Variants in KRT6B observed in about 807,000 individuals in gnomAD.
The protein encoded by KRT6B is keratin, type II cytoskeletal 6B.
A neutral mutation model predicts 44.7 loss-of-function variants in KRT6B; 29 were observed. That is an observed-to-expected ratio of 0.65 (90% confidence interval 0.48 to 0.88). KRT6B has a LOEUF of 0.88. Ranked by LOEUF, KRT6B falls within the 40% of genes least tolerant of loss-of-function variation. KRT6B has a pLI of 0.00. For missense variants in KRT6B, 600 were observed against 724.0 expected (o/e 0.83, Z 1.97); for synonymous variants, 213 against 296.0 (o/e 0.72, Z 2.88).
At position 52,446,965 on chromosome 12, in the gene KRT6B, A is replaced by T. The variant is rs569009342; in HGVS notation, c.*225T>A. 102 of 605,156 alleles carry T rather than the reference A, an allele frequency of 1.7e-4. No homozygotes were observed. Among genetic ancestry groups the T allele is most frequent in the African/African-American group, 1.4e-3 (76 of 54,110 alleles). The allele number at this position is 605,156 out of a possible 1,614,324, so 37.5% of individuals were successfully genotyped here. ...AGATACCTGTAATAATACGGGAACT[A>T]AAAAGGACATTCGCATGTCTGAGTG... is the stretch of plus-strand genomic sequence containing the variant. On this transcript the variant is annotated 3_prime_UTR_variant, in exon 9 of 9. Transcript: ENST00000252252.
At position 52,451,524 on chromosome 12, in the gene KRT6B, A is replaced by C; in HGVS notation, c.540+15T>G. The C allele has an allele frequency of 6.2e-7, 1 of 1,613,538 alleles. No individual in the cohort carries two copies. The stretch of plus-strand genomic sequence containing the variant: ...GACCCTGAAGTGCCCGATGGAGGGC[A>C]TGGCACTGGCTCACCTTGTCGATGA... On this transcript the variant is annotated intron_variant, in intron 1 of 8. Transcript: ENST00000252252.
In KRT6B at chr12:52,447,333, C is replaced by T. The variant is rs1233832834; in HGVS notation, c.1552G>A (p.Gly518Ser). 3 of 1,614,068 alleles carry T rather than the reference C, an allele frequency of 1.9e-6. No homozygotes were observed. Among genetic ancestry groups the T allele is most frequent in the Admixed American group, 3.3e-5 (2 of 60,024 alleles). The change falls in exon 9 of 9, where the codon GGC (glycine) becomes AGC (serine). Residue 518 changes from glycine (G) to serine (S), a missense_variant. This residue lies in a region of KRT6B where 479 missense variants were observed against 454.2 expected (regional missense o/e 1.05). Transcript: ENST00000252252. ...CCGCCTCCAACGCCAAGACCACTGC[C>T]ATAGGAGTAGCTGCTTCCTCCACCC... ...GLGGGSSYSY[G>S]SGLGVGGGFS...
chr12:52,448,103 G>T, intron 6 of KRT6B, 105 bp from the exon 7 acceptor site: 1 of 1,396,612 alleles, frequency 7.2e-7, no homozygotes. Flanking sequence ...ACCCAGAACT[G>T]ATGGTAAATG....
In KRT6B at chr12:52,449,742, T is replaced by C. The variant is rs753798928; in HGVS notation, c.912+16A>G. On this transcript the variant is annotated intron_variant, in intron 4 of 8. Transcript: ENST00000252252. The stretch of plus-strand genomic sequence containing the variant: ...GACCCCATCAGAGTAAACAGAAGGA[T>C]GGTGGAGTTGCTTACTGCATCATAC... 3.7e-6 allele frequency: 6 copies of C among 1,614,096 alleles called. No homozygotes were observed. Among genetic ancestry groups the C allele is most frequent in the Admixed American group, 1.7e-5 (1 of 60,014 alleles).
chr12:52,449,727 G>C, intron 4 of KRT6B, 31 bp downstream of exon 4: 1 of 1,614,120 alleles, frequency 6.2e-7, no homozygotes, highest in South Asian at 1.1e-5. Context: ...GACCCCATCA[G>C]AGTAAACAGA....
intron 6 of KRT6B, 122 bp from the exon 7 acceptor site, chr12:52,448,120 G>A (rs1940342450): frequency 7.1e-6 from 9 of 1,260,306 alleles, no homozygotes; most frequent in Non-Finnish European, 1.0e-5. Context: ...AATGAGCTCT[G>A]ACTCTTCCTG....
intron 6 of KRT6B, 122 bp downstream of exon 6, chr12:52,448,720 A>G (rs1176411306): frequency 2.1e-5 from 32 of 1,519,054 alleles, no homozygotes; most frequent in Non-Finnish European, 3.6e-6. Flanking sequence ...TAGGAACTGC[A>G]TGTCTTTCCT....
chr12:52,450,710 C>G, intron 1 of KRT6B, 90 bp from the exon 2 acceptor site: 1 of 1,588,908 alleles, frequency 6.3e-7, no homozygotes, highest in Non-Finnish European at 8.6e-7. Context: ...GGGAGGTCCC[C>G]ATGGTGCTGG....
intron 2 of KRT6B, 76 bp from the exon 3 acceptor site, chr12:52,450,148 T>C: frequency 6.4e-7 from 1 of 1,557,772 alleles, no homozygotes; most frequent in Non-Finnish European, 8.8e-7. Context: ...GGATTCAACA[T>C]TTTCCTGAAT....
At chr12:52,450,747 C>A in intron 1 of KRT6B, 127 bp from the exon 2 acceptor site, 1 of 1,432,184 alleles carries the variant, frequency 7.0e-7, no homozygotes. Flanking sequence ...TAGAGAGGCT[C>A]AGGCTGAGCT....
At chr12:52,450,663 C>A (rs71453297) in intron 1 of KRT6B, 43 bp from the exon 2 acceptor site, 37 of 1,613,700 alleles carry the variant, frequency 2.3e-5, no homozygotes, top group Middle Eastern at 3.3e-4. Flanking sequence ...AAAAGGAAGG[C>A]AGAGAAAGTG....
intron 4 of KRT6B, 38 bp from the exon 5 acceptor site, chr12:52,449,671 G>T: frequency 1.9e-6 from 3 of 1,614,202 alleles, no homozygotes; most frequent in Non-Finnish European, 2.5e-6. Flanking sequence ...CTTCACTTCT[G>T]ACATTTACAG....
At position 52,450,457 on chromosome 12, in the gene KRT6B, A is replaced by G. The variant is rs529792162; in HGVS notation, c.704T>C (p.Leu235Pro). ...LDNIVGERGR[L>P]DSELRNMQDL... Reference sequence around the variant, plus strand: ...CTGCATGTTTCTCAGCTCCGAGTCCAGACGACCCCGTTCCCCCACGATGTT... The same window carrying G: ...CTGCATGTTTCTCAGCTCCGAGTCCGGACGACCCCGTTCCCCCACGATGTT... Residue 235 changes from leucine to proline, a missense_variant, in exon 2 of 9, where the codon CTG becomes CCG. Around this residue, in one of 4 missense-constraint regions of KRT6B, gnomAD observed 479 missense variants for 454.2 expected, o/e 1.05. Coordinates refer to ENST00000252252, the MANE Select transcript of KRT6B (RefSeq NM_005555.4). 6.2e-7 allele frequency: 1 copy of G among 1,614,176 alleles called. No homozygotes were observed. Among genetic ancestry groups the G allele is most frequent in the South Asian group, 1.1e-5 (1 of 91,074 alleles).
At chr12:52,449,291 T>C (rs1940359871) in intron 5 of KRT6B, among the ~76,000 whole-genome samples, 178 bp downstream of exon 5, 1 of 152,216 alleles carries the variant, frequency 6.6e-6, no homozygotes, top group African/African-American at 2.4e-5. Flanking sequence ...CATTGGGTTG[T>C]TTTTCCTCCT....
Position 52,451,475 on chromosome 12 carries a change from A to C in KRT6B, c.540+64T>G. The C allele has an allele frequency of 1.9e-6, 3 of 1,613,016 alleles. No homozygotes were observed. The African/African-American group carries it at 4.0e-5, about 22-fold the overall frequency. On this transcript the variant is annotated intron_variant, in intron 1 of 8. Transcript: ENST00000252252. ...TCCCTCCTAGGGTCTCTCCGGCAGGAAGGTGTTGCTCTTCTGGTCTGGGGA... is the reference window on the plus strand; with the variant it reads ...TCCCTCCTAGGGTCTCTCCGGCAGGCAGGTGTTGCTCTTCTGGTCTGGGGA...
chr12:52,446,881 C>T lies in KRT6B; in HGVS notation c.*309G>A. 1 of 441,798 alleles carries T rather than the reference C, an allele frequency of 2.3e-6. No homozygotes were observed. Among genetic ancestry groups the T allele is most frequent in the East Asian group, 4.2e-5 (1 of 23,906 alleles). The allele number at this position is 441,798 out of a possible 1,614,324, so 27.4% of individuals were successfully genotyped here. A position where few individuals can be genotyped will look rare whatever the true frequency, so the allele number is the denominator to read the frequency against. The stretch of plus-strand genomic sequence containing the variant: ...CTCCTCATCTGCAGCTGGACCTAGA[C>T]TGAGTTTCAGTTCTTATGGGGATAT... On this transcript the variant is annotated 3_prime_UTR_variant, in exon 9 of 9. Coordinates refer to ENST00000252252, the MANE Select transcript of KRT6B (RefSeq NM_005555.4).
chr12:52,449,899 C>T, intron 3 of KRT6B, 46 bp from the exon 4 acceptor site: 1 of 1,613,832 alleles, frequency 6.2e-7, no homozygotes, highest in African/African-American at 1.3e-5. Context: ...CTCACCTTTC[C>T]AATCTACCCA....
chr12:52,451,453 C>T, intron 1 of KRT6B, 86 bp downstream of exon 1: 2 of 1,612,406 alleles, frequency 1.2e-6, no homozygotes, highest in Non-Finnish European at 1.7e-6. Context: ...TTCTCCCTCC[C>T]TCCTAGGGTC....
In KRT6B at chr12:52,446,819, C is replaced by CTCGGTGGCCGCCG; in HGVS notation, c.*370_*371insCGGCGGCCACCGA. ...GTCAGATGAGAACTCCTGAGTGTAG[C>CTCGGTGGCCGCCG]TATAATGGGCAGGATGGTTAGCAAT... is the stretch of plus-strand genomic sequence containing the variant. On this transcript the variant is annotated 3_prime_UTR_variant, in exon 9 of 9. Transcript: ENST00000252252. 1 of 312,934 alleles carries CTCGGTGGCCGCCG rather than the reference C, an allele frequency of 3.2e-6. No individual in the cohort carries two copies. The highest frequency in any genetic ancestry group is 4.1e-5 in the South Asian group (1 of 24,188). The allele number at this position is 312,934 out of a possible 1,614,324, so 19.4% of individuals were successfully genotyped here.
Sources: gnomAD v4.1 joint callset for allele counts (sites outside exome capture counted in the v4.1 genomes callset) on GRCh38, gnomAD v4.1.1 for gene constraint, gnomAD v4.1.1 regional missense constraint, MANE v1.5 for transcripts, NCBI Gene and HGNC (gene_info 2026-07-23, HGNC 2026-07-21) for gene names.